Variants in JMJD1C observed in about 807,000 individuals in gnomAD.
JMJD1C encodes the protein jumonji domain containing 1C.
In JMJD1C, 31 loss-of-function variants were observed where a neutral mutation model predicts 245.3. That is an observed-to-expected ratio of 0.13 (90% CI 0.09 to 0.17). The LOEUF is 0.17. Among genes scored for constraint, JMJD1C ranks in the 10% least tolerant of loss-of-function variants. The probability of loss-of-function intolerance (pLI) is 1.00; values close to 1 mark genes in which losing one functional copy is unlikely to be tolerated. For missense variants in JMJD1C, 2,691 were observed against 3,000.2 expected (o/e 0.90, Z 2.41); for synonymous variants, 1,057 against 1,017.4 (o/e 1.04, Z -0.74).
upstream of JMJD1C, among the ~76,000 whole-genome samples, chr10:63,467,121 A>C (rs1953324107): frequency 6.6e-6 from 1 of 152,198 alleles, no homozygotes; most frequent in Non-Finnish European, 1.5e-5. Context: ...GAAGTGGAGA[A>C]ACACAACCAC....
chr10:63,387,666 C>T (rs1371549533), intron 1 of JMJD1C, among the ~76,000 whole-genome samples: 6 of 85,218 alleles, frequency 7.0e-5, no homozygotes, highest in East Asian at 3.5e-4. Context: ...GACGGAGTCT[C>T]GCTCTGTCGC....
chr10:63,182,244 G>A (rs1843579948), intron 22 of JMJD1C, among the ~76,000 whole-genome samples: 3 of 152,234 alleles, frequency 2.0e-5, no homozygotes, highest in Admixed American at 2.0e-4. Context: ...AAACTCCGAA[G>A]AAGCCTCCAA....
chr10:63,223,175 C>T (rs1848814743), intron 3 of JMJD1C: 1 of 546,936 alleles, frequency 1.8e-6, no homozygotes, highest in Non-Finnish European at 3.2e-6. Flanking sequence ...CATACATAAC[C>T]ATCCATATAC....
chr10:63,174,536 T>TA (rs1842695516), intron 24 of JMJD1C, among the ~76,000 whole-genome samples: 1 of 151,662 alleles, frequency 6.6e-6, no homozygotes, highest in Non-Finnish European at 1.5e-5. Flanking sequence ...AGGCTGACTA[T>TA]AAAAGTGCAA....
chr10:63,521,606 C>A lies in JMJD1C; in HGVS notation n.113+132G>T, dbSNP rs1206840790. The A allele has an allele frequency of 3.6e-6, 5 of 1,389,830 alleles. No individual in the cohort carries two copies. In the South Asian group the frequency reaches 7.9e-5, roughly 22 times the overall value. The allele number at this position is 1,389,830 out of a possible 1,614,324, so 86.1% of individuals were successfully genotyped here. On this transcript the variant is annotated intron_variant and non_coding_transcript_variant, in intron 1 of 3. Transcript: ENST00000633035. ...AGTGCCTCTCACTGCGCCCTGCAGCCGGCGCGAGGCCCAGGGGAGCTGTGG... is the reference window on the plus strand; with the variant it reads ...AGTGCCTCTCACTGCGCCCTGCAGCAGGCGCGAGGCCCAGGGGAGCTGTGG...
chr10:63,297,435 C>A (rs776009116), intron 2 of JMJD1C, among the ~76,000 whole-genome samples: 10 of 152,206 alleles, frequency 6.6e-5, no homozygotes, highest in Non-Finnish European at 1.2e-4. Flanking sequence ...GAGAGCTGTT[C>A]TATCACTCCT....
chr10:63,331,765 G>A (rs978271097), intron 2 of JMJD1C, among the ~76,000 whole-genome samples: 1 of 152,064 alleles, frequency 6.6e-6, no homozygotes, highest in Non-Finnish European at 1.5e-5. Flanking sequence ...CCACAGGCAT[G>A]TGCCACCACG....
chr10:63,388,374 T>C (rs918725627), intron 1 of JMJD1C, among the ~76,000 whole-genome samples: 20 of 150,084 alleles, frequency 1.3e-4, no homozygotes, highest in African/African-American at 4.1e-4. Flanking sequence ...GAATATACTA[T>C]ACCAAACAAT....
intron 16 of JMJD1C, among the ~76,000 whole-genome samples, chr10:63,191,777 G>C (rs546065165): frequency 6.6e-6 from 1 of 151,846 alleles, no homozygotes; most frequent in African/African-American, 2.4e-5. Context: ...TTGAGGTCAG[G>C]AGTTCAAGAC....
intron 1 of JMJD1C, among the ~76,000 whole-genome samples, chr10:63,479,743 A>G (rs991400964): frequency 2.6e-5 from 4 of 152,220 alleles, no homozygotes; most frequent in Non-Finnish European, 5.9e-5. Context: ...AAAATAGTCC[A>G]TAATAGTCCA....
Position 63,190,910 on chromosome 10 carries a change from T to C in JMJD1C, c.6275A>G (p.Tyr2092Cys), listed in dbSNP as rs766233436. 5.0e-6 allele frequency: 8 copies of C among 1,614,012 alleles called. No homozygotes were observed. The highest frequency in any genetic ancestry group is 1.3e-5 in the African/African-American group (1 of 75,032). The change falls in exon 17 of 26, where the codon TAT becomes TGT. Residue 2092 changes from tyrosine (Y) to cysteine (C), a missense_variant. Tyr to Cys is a radical substitution (Grantham distance 194). Coordinates refer to ENST00000399262, the MANE Select transcript of JMJD1C (RefSeq NM_032776.3). ...ATCACTCACTGGGGCTCCCATTGAATATACTGGGGCAAAGGCAATGCCAGC... is the reference window on the plus strand; with the variant it reads ...ATCACTCACTGGGGCTCCCATTGAACATACTGGGGCAAAGGCAATGCCAGC... ...TDAGIAFAPV[Y>C]SMGAPSSKSG...
chr10:63,204,429 A>G, intron 10 of JMJD1C: 1 of 985,102 alleles, frequency 1.0e-6, no homozygotes, highest in Non-Finnish European at 1.2e-6. Flanking sequence ...ACTAACACTT[A>G]ATTTCATAAA....
intron 1 of JMJD1C, among the ~76,000 whole-genome samples, chr10:63,449,886 T>A (rs963384459): frequency 2.0e-5 from 3 of 151,786 alleles, no homozygotes; most frequent in Non-Finnish European, 4.4e-5. Context: ...GAGGCCGAGG[T>A]GGGAAGATCA....
At chr10:63,382,715 T>C (rs1589633952) in intron 1 of JMJD1C, 2 of 452,264 alleles carry the variant, frequency 4.4e-6, no homozygotes, top group East Asian at 1.4e-4. Context: ...TTCGCTCCCC[T>C]ACTTTCATTC....
At chr10:63,433,118 T>C (rs1206355045) in intron 1 of JMJD1C, among the ~76,000 whole-genome samples, 2 of 151,298 alleles carry the variant, frequency 1.3e-5, no homozygotes, top group African/African-American at 4.9e-5. Flanking sequence ...TGAGACAGAG[T>C]TTTGCTCTTG....
At chr10:63,191,154 C>T (rs748188629) in intron 16 of JMJD1C, 46 bp from the exon 17 acceptor site, 119 of 1,502,294 alleles carry the variant, frequency 7.9e-5, no homozygotes, top group Non-Finnish European at 9.9e-5. Flanking sequence ...TGTTTTGAGA[C>T]GGAGTCTCAT....
intron 3 of JMJD1C, chr10:63,222,182 G>GT (rs1848674128): frequency 1.3e-6 from 1 of 751,296 alleles, no homozygotes; most frequent in African/African-American, 1.7e-5. Flanking sequence ...TATCGATATT[G>GT]TTATCAACTT....
intron 1 of JMJD1C, among the ~76,000 whole-genome samples, chr10:63,435,890 C>T (rs143211132): frequency 1.3e-5 from 2 of 152,290 alleles, no homozygotes; most frequent in East Asian, 3.9e-4. Context: ...CAGAGCAAGA[C>T]GCTGTCTCAA....
chr10:63,471,919 T>A (rs986153341), intron 1 of JMJD1C, among the ~76,000 whole-genome samples: 6 of 152,106 alleles, frequency 3.9e-5, no homozygotes, highest in African/African-American at 1.4e-4. Context: ...ATGGCTGTAG[T>A]GCCAACTACT....
Sources: allele counts gnomAD v4.1 joint callset (sites outside exome capture counted in the v4.1 genomes callset), GRCh38; gene constraint gnomAD v4.1.1; transcripts MANE v1.5; gene names NCBI Gene and HGNC (gene_info 2026-07-23, HGNC 2026-07-21).